PCDHA1: variants seen among roughly 807,000 people sequenced by gnomAD.
PCDHA1 encodes protocadherin alpha 1.
PCDHA1 carries 42 observed loss-of-function variants against 61.3 expected under a neutral mutation model. The observed-to-expected ratio is 0.69, with a 90% CI of 0.54 to 0.89. PCDHA1 has a LOEUF of 0.89. Among genes scored for constraint, PCDHA1 ranks in the 40% least tolerant of loss-of-function variants. The pLI is 0.00. For missense variants in PCDHA1, 1,256 were observed against 1,235.3 expected (o/e 1.02, Z -0.25); for synonymous variants, 610 against 553.8 (o/e 1.10, Z -1.43).
At chr5:140,887,256 C>T (rs1554182988) in intron 1 of PCDHA1, among the ~76,000 whole-genome samples, 1 of 152,002 alleles carries the variant, frequency 6.6e-6, no homozygotes, top group African/African-American at 2.4e-5. Context: ...GCCACCACGC[C>T]CTGCTAATTT....
At chr5:140,855,799 A>C (rs1356663466) in intron 1 of PCDHA1, 4 of 472,784 alleles carry the variant, frequency 8.5e-6, no homozygotes, top group Non-Finnish European at 1.5e-5. Context: ...TTAACATATG[A>C]ATGAAAGAAA....
At chr5:140,997,533 A>G (rs1247028089) in intron 3 of PCDHA1, among the ~76,000 whole-genome samples, 1 of 152,230 alleles carries the variant, frequency 6.6e-6, no homozygotes, top group Non-Finnish European at 1.5e-5. Context: ...CAATAAAAAT[A>G]CATTATTATA....
chr5:140,921,721 C>A (rs2080351320), intron 1 of PCDHA1, among the ~76,000 whole-genome samples: 2 of 152,068 alleles, frequency 1.3e-5, no homozygotes, highest in African/African-American at 4.8e-5. Context: ...ACACGAATTA[C>A]TCCCATAAAA....
At position 140,855,941 on chromosome 5, in the gene PCDHA1, C is replaced by G; in HGVS notation, c.2394+67257C>G. Reference sequence around the variant, plus strand: ...AGGAAGTAGCGTCATTCTGAGATCTCAGCCATTTCGATAAAAAATAGATAT... The same window carrying G: ...AGGAAGTAGCGTCATTCTGAGATCTGAGCCATTTCGATAAAAAATAGATAT... On this transcript the variant is annotated intron_variant, in intron 1 of 3. Transcript: ENST00000504120. The G allele has an allele frequency of 3.0e-6, 4 of 1,328,222 alleles. 1 individual carries two copies. The highest frequency in any genetic ancestry group is 4.1e-6 in the Non-Finnish European group (4 of 966,976). The allele number at this position is 1,328,222 out of a possible 1,614,324, so 82.3% of individuals were successfully genotyped here.
At chr5:140,807,968 G>A (rs782254119) in intron 1 of PCDHA1, 2 of 1,613,476 alleles carry the variant, frequency 1.2e-6, no homozygotes, top group Non-Finnish European at 1.7e-6. Context: ...TGGAACATTG[G>A]TAATTAAACT....
Position 141,011,514 on chromosome 5 carries a change from GT to G in PCDHA1, c.*1584del, listed in dbSNP as rs35545269. 2 of 153,738 alleles carry G rather than the reference GT, an allele frequency of 1.3e-5. No homozygotes were observed. The highest frequency in any genetic ancestry group is 1.9e-4 in the East Asian group (1 of 5,186). The allele number at this position is 153,738 out of a possible 1,614,324, so 9.5% of individuals were successfully genotyped here. ...TACACCTGTGAAAAAGTGGAGTAGTGTTTTTTTAACCATTGTTAATCAGCTT... is the reference window on the plus strand; with the variant it reads ...TACACCTGTGAAAAAGTGGAGTAGTGTTTTTTAACCATTGTTAATCAGCTT... On this transcript the variant is annotated 3_prime_UTR_variant, in exon 4 of 4. Coordinates refer to ENST00000504120, the MANE Select transcript of PCDHA1 (RefSeq NM_018900.4).
At chr5:140,861,605 T>C in intron 1 of PCDHA1, 2 of 362,576 alleles carry the variant, frequency 5.5e-6, no homozygotes, top group Non-Finnish European at 1.1e-5. Context: ...TGAAGAACAA[T>C]AAAGACAACC....
chr5:140,926,976 GGA>G (rs1184794302), intron 1 of PCDHA1: 3 of 1,610,286 alleles, frequency 1.9e-6, no homozygotes, highest in Non-Finnish European at 2.5e-6. Context: ...CAGTGCCGGA[GGA>G]GACGGAGCGG....
chr5:140,853,750 C>T (rs2042854263), intron 1 of PCDHA1: 1 of 988,454 alleles, frequency 1.0e-6, no homozygotes, highest in Non-Finnish European at 1.2e-6. Context: ...TGGTTCAAGG[C>T]TCCACCTCAG....
Position 140,857,636 on chromosome 5 carries a change from C to T in PCDHA1, c.2394+68952C>T, listed in dbSNP as rs370617893. The T allele has an allele frequency of 1.0e-4, 159 of 1,596,480 alleles. 20 individuals are homozygous for T. The highest frequency in any genetic ancestry group is 1.3e-4 in the Non-Finnish European group (153 of 1,167,700). Reference sequence around the variant, plus strand: ...GCTGGACCACGAGGAGCTGGAGCTGCTACAGTTCCAGGTGAGCGCGCGCGA... The same window carrying T: ...GCTGGACCACGAGGAGCTGGAGCTGTTACAGTTCCAGGTGAGCGCGCGCGA... On this transcript the variant is annotated intron_variant, in intron 1 of 3. Transcript: ENST00000504120.
intron 1 of PCDHA1, chr5:140,869,517 A>G: frequency 6.2e-7 from 1 of 1,614,200 alleles, no homozygotes; most frequent in Non-Finnish European, 8.5e-7. Flanking sequence ...TCAGAGAACA[A>G]AAGCTGCTGA....
chr5:140,808,555 G>A, intron 1 of PCDHA1: 1 of 1,614,096 alleles, frequency 6.2e-7, no homozygotes, highest in Non-Finnish European at 8.5e-7. Context: ...CGGCGTTCGC[G>A]CAGCCCGAGT....
In PCDHA1 at chr5:140,787,088, C is replaced by T. The variant is rs144358299; in HGVS notation, c.798C>T (p.Ala266=). 11 of 1,614,038 alleles carry T rather than the reference C, an allele frequency of 6.8e-6. No individual in the cohort carries two copies. The highest frequency in any genetic ancestry group is 6.7e-5 in the African/African-American group (5 of 74,922). The change falls in exon 1 of 4, where the codon GCC becomes GCT. Residue 266 remains alanine, a synonymous_variant. Transcript: ENST00000504120. The part of the protein sequence containing the change: ...ANGTLVTTLN[A]SDADEGVNGE... ...GAACATTAGTGACCACATTAAATGCCTCTGATGCTGACGAAGGTGTAAATG... is the reference window on the plus strand; with the variant it reads ...GAACATTAGTGACCACATTAAATGCTTCTGATGCTGACGAAGGTGTAAATG...
chr5:140,786,380 G>C lies in PCDHA1; in HGVS notation c.90G>C (p.Gln30His). Reference sequence around the variant, plus strand: ...CAGCCTGGGAGGTGGGGAGCGGCCAGCTCCACTACTCGATCCCGGAGGAAG... The same window carrying C: ...CAGCCTGGGAGGTGGGGAGCGGCCACCTCCACTACTCGATCCCGGAGGAAG... Reference protein sequence around the residue: ...LLAAWEVGSGQLHYSIPEEAK... With the variant: ...LLAAWEVGSGHLHYSIPEEAK... Residue 30 changes from glutamine (Q) to histidine (H), a missense_variant, in exon 1 of 4, where the codon CAG (glutamine) becomes CAC (histidine). Transcript: ENST00000504120. 1 of 1,613,760 alleles carries C rather than the reference G, an allele frequency of 6.2e-7. No individual in the cohort carries two copies.
At chr5:140,804,086 A>T (rs541716401) in intron 1 of PCDHA1, 1 of 160,086 alleles carries the variant, frequency 6.2e-6, no homozygotes, top group Non-Finnish European at 1.4e-5. Flanking sequence ...CAAAAATTAG[A>T]TCATTACACC....
chr5:140,851,814 CAG>C, intron 1 of PCDHA1: 1 of 954,570 alleles, frequency 1.0e-6, no homozygotes, highest in Non-Finnish European at 1.3e-6. Flanking sequence ...ATCCATAAGA[CAG>C]AAATCTGTTT....
At chr5:140,886,155 T>C (rs528104847) in intron 1 of PCDHA1, among the ~76,000 whole-genome samples, 1 of 152,212 alleles carries the variant, frequency 6.6e-6, no homozygotes, top group African/African-American at 2.4e-5. Context: ...CACCTTTTTA[T>C]AGCCACATCT....
At chr5:140,876,961 C>A in intron 1 of PCDHA1, 1 of 1,613,154 alleles carries the variant, frequency 6.2e-7, no homozygotes, top group Non-Finnish European at 8.5e-7. Flanking sequence ...GCTGGTGGAG[C>A]GGCGGGTGGG....
Position 140,850,965 on chromosome 5 carries a change from G to C in PCDHA1, c.2394+62281G>C, listed in dbSNP as rs200912451. 36 of 1,464,074 alleles carry C rather than the reference G, an allele frequency of 2.5e-5. 1 individual carries two copies. In the Middle Eastern group the frequency reaches 5.9e-4, roughly 24 times the overall value. 90.7% of individuals were successfully genotyped at this position (1,464,074 alleles called of 1,614,324 possible). A position where few individuals can be genotyped will look rare whatever the true frequency, so the allele number is the denominator to read the frequency against. On this transcript the variant is annotated intron_variant, in intron 1 of 3. Transcript: ENST00000504120. Reference sequence around the variant, plus strand: ...ATATTATCGATTACTCCCAGGGGCCGTTCAAATAGTTTTATTCATTTTTCT... The same window carrying C: ...ATATTATCGATTACTCCCAGGGGCCCTTCAAATAGTTTTATTCATTTTTCT...
Sources: gnomAD v4.1 joint callset for allele counts (sites outside exome capture counted in the v4.1 genomes callset) on GRCh38, gnomAD v4.1.1 for gene constraint, MANE v1.5 for transcripts, NCBI Gene and HGNC (gene_info 2026-07-23, HGNC 2026-07-21) for gene names.